The following NCALD variants were observed in gnomAD, a reference collection of about 807,000 sequenced individuals.
The protein encoded by NCALD is neurocalcin delta, also known as neurocalcin-delta.
A neutral mutation model predicts 18.6 loss-of-function variants in NCALD; 10 were observed. That is an observed-to-expected ratio of 0.54 (90% CI 0.33 to 0.91). The LOEUF (loss-of-function observed/expected upper bound fraction) is 0.91. Ranked by LOEUF, NCALD falls within the 40% of genes least tolerant of loss-of-function variation. NCALD has a pLI of 0.03. For missense variants in NCALD, 184 were observed against 247.6 expected (o/e 0.74, Z 1.72); for synonymous variants, 88 against 87.4 (o/e 1.01, Z -0.04).
At chr8:101,706,537 C>A (rs998781160) in intron 2 of NCALD, among the ~76,000 whole-genome samples, 1 of 152,172 alleles carries the variant, frequency 6.6e-6, no homozygotes, top group Non-Finnish European at 1.5e-5. Context: ...CTAGGTTGAA[C>A]AATGTCCTGC....
At chr8:101,735,866 C>T (rs1478104443) in intron 1 of NCALD, among the ~76,000 whole-genome samples, 1 of 152,206 alleles carries the variant, frequency 6.6e-6, no homozygotes. Context: ...GCTCCTTCTT[C>T]TTCCTTCTGA....
At chr8:101,969,572 G>A (rs1345952716) in intron 2 of NCALD, among the ~76,000 whole-genome samples, 5 of 152,072 alleles carry the variant, frequency 3.3e-5, no homozygotes, top group African/African-American at 1.2e-4. Context: ...TAAAACCCAG[G>A]TCATCTGATT....
intron 1 of NCALD, among the ~76,000 whole-genome samples, chr8:102,097,952 G>A (rs930364423): frequency 2.0e-5 from 3 of 152,190 alleles, no homozygotes; most frequent in African/African-American, 7.2e-5. Context: ...GCTGTGAATC[G>A]ACAGTTTCAG....
At chr8:101,690,155 G>A (rs952665965) in intron 3 of NCALD, 12 of 835,130 alleles carry the variant, frequency 1.4e-5, no homozygotes, top group Admixed American at 7.1e-5. Context: ...TCTGGAGCAC[G>A]TACAGAATTC....
At chr8:101,785,303 T>G (rs1368257542) in intron 1 of NCALD, among the ~76,000 whole-genome samples, 1 of 152,182 alleles carries the variant, frequency 6.6e-6, no homozygotes, top group Non-Finnish European at 1.5e-5. Flanking sequence ...CTACCAGAAG[T>G]AGAAGATTAA....
intron 4 of NCALD, among the ~76,000 whole-genome samples, chr8:101,806,859 A>C (rs1813120461): frequency 6.6e-6 from 1 of 152,036 alleles, no homozygotes; most frequent in Non-Finnish European, 1.5e-5. Context: ...CAGACATATC[A>C]TAGTTAAAAT....
At chr8:101,692,418 C>A (rs1330138188) in intron 3 of NCALD, 1 of 985,274 alleles carries the variant, frequency 1.0e-6, no homozygotes, top group East Asian at 1.1e-4. Context: ...AGAATAACAA[C>A]CCTCTCCCCA....
At chr8:101,893,676 A>G (rs1292858928) in intron 3 of NCALD, among the ~76,000 whole-genome samples, 1 of 128,372 alleles carries the variant, frequency 7.8e-6, no homozygotes, top group Non-Finnish European at 1.6e-5. Flanking sequence ...AAGATCTACC[A>G]AGCAAATGGA....
At chr8:101,938,211 T>C (rs1421892048) in intron 2 of NCALD, among the ~76,000 whole-genome samples, 1 of 152,252 alleles carries the variant, frequency 6.6e-6, no homozygotes, top group Non-Finnish European at 1.5e-5. Flanking sequence ...AATATTAGCC[T>C]CATTAGACTT....
At chr8:101,795,837 T>C (rs909567376), upstream of NCALD, among the ~76,000 whole-genome samples, 1 of 152,166 alleles carries the variant, frequency 6.6e-6, no homozygotes, top group Non-Finnish European at 1.5e-5. Context: ...GGGACTAAGA[T>C]TGTAGACAGA....
intron 1 of NCALD, among the ~76,000 whole-genome samples, chr8:101,768,829 G>A (rs145493503): frequency 6.0e-4 from 92 of 152,176 alleles, no homozygotes; most frequent in Non-Finnish European, 1.1e-3. Context: ...GCAGAATAAT[G>A]GTCTTCCAAA....
intron 1 of NCALD, among the ~76,000 whole-genome samples, chr8:101,773,511 G>T (rs964568995): frequency 1.3e-5 from 2 of 152,048 alleles, no homozygotes; most frequent in Non-Finnish European, 2.9e-5. Flanking sequence ...GAAACTGTGG[G>T]GTCAGATTTA....
intron 1 of NCALD, among the ~76,000 whole-genome samples, chr8:101,779,063 A>AATTCTAGTAGAAGAGCTTAAATCT: frequency 6.6e-6 from 1 of 152,218 alleles, no homozygotes; most frequent in South Asian, 2.1e-4. Context: ...CAGTGAAACA[A>AATTCTAGTAGAAGAGCTTAAATCT]AGTCCATAAA....
chr8:101,829,974 GT>G (rs35295834), intron 4 of NCALD, among the ~76,000 whole-genome samples: 1,696 of 116,128 alleles, frequency 0.015, 12 homozygotes, highest in African/African-American at 0.039. Flanking sequence ...AGTCACATGG[GT>G]TTTTTTTTTT....
At chr8:101,740,986 G>GC (rs1810160339) in intron 1 of NCALD, among the ~76,000 whole-genome samples, 1 of 152,196 alleles carries the variant, frequency 6.6e-6, no homozygotes, top group Admixed American at 6.5e-5. Context: ...AAACAACTCT[G>GC]TAGAATCAGT....
rs1820330715 is a variant in NCALD at position 101,973,911 on chromosome 8, G to A, written c.-157+46326C>T. Among the ~76,000 whole-genome samples, 3 of 152,266 alleles carry A rather than the reference G, an allele frequency of 2.0e-5. No individual in the cohort carries two copies. The East Asian group carries it at 5.8e-4, about 29-fold the overall frequency. On this transcript the variant is annotated intron_variant, in intron 2 of 6. Transcript: ENST00000311028. ...CACTGTACCAGGTGCTGAGAGCTGG[G>A]GAAAGACATAAAGATGAATCAAATG...
At chr8:101,936,412 A>G (rs1282653352) in intron 2 of NCALD, among the ~76,000 whole-genome samples, 3 of 152,318 alleles carry the variant, frequency 2.0e-5, no homozygotes, top group Admixed American at 2.0e-4. Flanking sequence ...AAATGGGGAA[A>G]TGAAGGGAGA....
intron 1 of NCALD, among the ~76,000 whole-genome samples, chr8:101,767,865 C>T (rs1811415724): frequency 6.6e-6 from 1 of 152,214 alleles, no homozygotes; most frequent in African/African-American, 2.4e-5. Flanking sequence ...CTCTTCACTC[C>T]TGGTGTTTGT....
chr8:101,732,950 T>A (rs1349006525), intron 1 of NCALD, among the ~76,000 whole-genome samples: 5 of 152,104 alleles, frequency 3.3e-5, no homozygotes, highest in Non-Finnish European at 7.4e-5. Context: ...CACTGTAGAA[T>A]TGATGTGAGA....
Sources: gnomAD v4.1 joint callset for allele counts (sites outside exome capture counted in the v4.1 genomes callset) on GRCh38, gnomAD v4.1.1 for gene constraint, MANE v1.5 for transcripts, NCBI Gene and HGNC (gene_info 2026-07-23, HGNC 2026-07-21) for gene names.